The following VPS53 variants were observed in gnomAD, a reference collection of about 807,000 sequenced individuals.
The protein encoded by VPS53 is VPS53 subunit of GARP complex, also known as vacuolar protein sorting-associated protein 53 homolog.
Under a neutral mutation model 107.0 loss-of-function variants are expected in VPS53, and 70 were observed. That is an observed-to-expected ratio of 0.65 (90% CI 0.54 to 0.80). VPS53 has a LOEUF of 0.80. Among genes scored for constraint, VPS53 ranks in the 30% least tolerant of loss-of-function variants. The pLI is 0.00. For synonymous variants in VPS53, 409 were observed against 393.3 expected, an observed-to-expected ratio of 1.04 and a Z score of -0.47; for missense variants, 917 against 1,049.4, an observed-to-expected ratio of 0.87 and a Z score of 1.74.
rs148090831 is a variant in VPS53, at chr17:565,485, G to A, written c.1314-2740C>T. On this transcript the variant is annotated intron_variant, in intron 13 of 21. Transcript: ENST00000437048. ...GATACAACCACTCTGCCCTCAAAGA[G>A]CTTCTGGCCTAGGCTAAGTCTCTGT... Among the ~76,000 whole-genome samples, 242 of 151,722 alleles carry A rather than the reference G, an allele frequency of 1.6e-3. 1 individual carries two copies. Among genetic ancestry groups the A allele is most frequent in the African/African-American group, 5.6e-3 (233 of 41,358 alleles).
intron 7 of VPS53, among the ~76,000 whole-genome samples, chr17:644,914 G>C (rs1970623669): frequency 6.6e-6 from 1 of 152,102 alleles, no homozygotes; most frequent in Non-Finnish European, 1.5e-5. Flanking sequence ...CACATATTCT[G>C]TATTAACCTA....
At chr17:714,476 C>G (rs1056552285) in intron 1 of VPS53, 147 bp downstream of exon 1, 2 of 701,578 alleles carry the variant, frequency 2.9e-6, no homozygotes, top group East Asian at 5.5e-5. Context: ...GAAACCGCTT[C>G]TCACCCGCAC....
chr17:588,253 G>A (rs1399138784), intron 12 of VPS53, among the ~76,000 whole-genome samples: 1 of 152,210 alleles, frequency 6.6e-6, no homozygotes, highest in African/African-American at 2.4e-5. Context: ...AGGAGGTGGA[G>A]ATGGCAGTGA....
At chr17:526,125 T>A (rs1277282013) in intron 19 of VPS53, among the ~76,000 whole-genome samples, 1 of 152,190 alleles carries the variant, frequency 6.6e-6, no homozygotes, top group East Asian at 1.9e-4. Context: ...GAATTTTTGT[T>A]TAAAGACTAC....
intron 19 of VPS53, among the ~76,000 whole-genome samples, chr17:527,814 G>A (rs1909239381): frequency 6.6e-6 from 1 of 152,150 alleles, no homozygotes; most frequent in African/African-American, 2.4e-5. Flanking sequence ...GTCTCGCTGT[G>A]TTGCCCAGGC....
rs1188755327 is a variant in VPS53 at position 623,793 on chromosome 17, C to T, written c.975-119G>A. On this transcript the variant is annotated intron_variant, in intron 10 of 21. Coordinates refer to ENST00000437048, the MANE Select transcript of VPS53 (RefSeq NM_001128159.3). Reference sequence around the variant, plus strand: ...AAAATGTATGTGGTCATTTCAAACCCTGAGGTCTGTTACCACCTTAGTCTA... The same window carrying T: ...AAAATGTATGTGGTCATTTCAAACCTTGAGGTCTGTTACCACCTTAGTCTA... 3 of 1,128,708 alleles carry T rather than the reference C, an allele frequency of 2.7e-6. No individual in the cohort carries two copies. In the Admixed American group the frequency reaches 8.6e-5, roughly 32 times the overall value. The allele number at this position is 1,128,708 out of a possible 1,614,324, so 69.9% of individuals were successfully genotyped here.
chr17:644,727 G>A (rs1004548751), intron 7 of VPS53, among the ~76,000 whole-genome samples: 1 of 151,880 alleles, frequency 6.6e-6, no homozygotes, highest in African/African-American at 2.4e-5. Flanking sequence ...GGAACCACAG[G>A]CACACATCAC....
At chr17:521,168 T>C (rs1008906202) in intron 20 of VPS53, among the ~76,000 whole-genome samples, 1 of 152,198 alleles carries the variant, frequency 6.6e-6, no homozygotes, top group African/African-American at 2.4e-5. Flanking sequence ...AAAATATCCA[T>C]TTGCTGATTA....
chr17:523,085 G>A (rs771057697), intron 19 of VPS53: 223 of 152,600 alleles, frequency 1.5e-3, no homozygotes, highest in Non-Finnish European at 1.6e-3. Flanking sequence ...AGGTGGAAGG[G>A]AAGCTGGAAT....
intron 4 of VPS53, among the ~76,000 whole-genome samples, chr17:664,937 G>A (rs1002774819): frequency 6.6e-6 from 1 of 152,196 alleles, no homozygotes; most frequent in African/African-American, 2.4e-5. Context: ...TGCAGGAGGA[G>A]GACGGGCTTG....
Position 519,524 on chromosome 17 carries a change from A to T in VPS53, c.2329-226T>A, listed in dbSNP as rs1908558826. 6.6e-6 allele frequency among the ~76,000 whole-genome samples: 1 copy of T among 152,214 alleles called. No homozygotes were observed. The highest frequency in any genetic ancestry group is 1.5e-5 in the Non-Finnish European group (1 of 68,034). Reference sequence around the variant, plus strand: ...AAAGGAAGGGAAAGAAGCGGCTGACAGAGGAGAAAGGACAGGTCAAGAAGG... The same window carrying T: ...AAAGGAAGGGAAAGAAGCGGCTGACTGAGGAGAAAGGACAGGTCAAGAAGG... On this transcript the variant is annotated intron_variant, in intron 21 of 21. Transcript: ENST00000437048. The surrounding 1 kb of genome is among the most constrained non-coding windows in gnomAD (Gnocchi z 5.0).
intron 11 of VPS53, among the ~76,000 whole-genome samples, chr17:610,770 A>T (rs1480526748): frequency 6.7e-5 from 10 of 149,782 alleles, no homozygotes; most frequent in Admixed American, 1.3e-4. Context: ...AAAAAAAAAA[A>T]ATACAAAAAA....
intron 2 of VPS53, among the ~76,000 whole-genome samples, chr17:708,536 C>T (rs951732705): frequency 6.6e-6 from 1 of 152,208 alleles, no homozygotes; most frequent in South Asian, 2.1e-4. Flanking sequence ...CAGGGAGATG[C>T]TGAAGCCTCC....
Position 657,057 on chromosome 17 carries a change from T to C in VPS53, c.373-1104A>G, listed in dbSNP as rs1971223715. On this transcript the variant is annotated intron_variant, in intron 5 of 21. Transcript: ENST00000437048. The stretch of plus-strand genomic sequence containing the variant: ...CCAGTCACCATATATGGCTTGCCAG[T>C]GTCGAACGTGATGAAATCGGTCATC... The C allele has an allele frequency of 4.4e-6, 4 of 899,508 alleles. No individual in the cohort carries two copies. The South Asian group carries it at 5.2e-5, about 12-fold the overall frequency. 55.7% of individuals were successfully genotyped at this position (899,508 alleles called of 1,614,324 possible).
intron 13 of VPS53, among the ~76,000 whole-genome samples, chr17:579,283 C>T (rs147135595): frequency 0.015 from 2,198 of 149,916 alleles, 114 homozygotes; most frequent in Middle Eastern, 0.029. Context: ...TAGAGAACTT[C>T]CCTCAGAACC....
At chr17:647,260 A>G (rs1018294859) in intron 7 of VPS53, among the ~76,000 whole-genome samples, 1 of 152,168 alleles carries the variant, frequency 6.6e-6, no homozygotes, top group African/African-American at 2.4e-5. Flanking sequence ...AGATCCTGCT[A>G]TGCCTTGTAC....
intron 5 of VPS53, among the ~76,000 whole-genome samples, chr17:661,058 ACATCCCTCCTCCCTC>A (rs1486594065): frequency 3.3e-5 from 5 of 151,950 alleles, no homozygotes; most frequent in Non-Finnish European, 7.4e-5. Flanking sequence ...ATGGGCGGGG[ACATCCCTCCTCCCTC>A]CATCCCTCCC....
chr17:687,094 G>C (rs992975543), intron 4 of VPS53, among the ~76,000 whole-genome samples: 2 of 152,160 alleles, frequency 1.3e-5, no homozygotes, highest in Non-Finnish European at 2.9e-5. Context: ...AGACCAGCCT[G>C]GCCAACATGG....
At chr17:670,225 CACTGGTGAACTGG>C (rs1971879746) in intron 4 of VPS53, among the ~76,000 whole-genome samples, 1 of 151,702 alleles carries the variant, frequency 6.6e-6, no homozygotes, top group Non-Finnish European at 1.5e-5. Flanking sequence ...GTGAACTGGG[CACTGGTGAACTGG>C]GCACTGGAGC....
Sources: gnomAD v4.1 joint callset for allele counts (sites outside exome capture counted in the v4.1 genomes callset) on GRCh38, gnomAD v4.1.1 for gene constraint, Gnocchi (gnomAD v3.1) non-coding constraint, MANE v1.5 for transcripts, NCBI Gene and HGNC (gene_info 2026-07-23, HGNC 2026-07-21) for gene names.